Variants in CENPP observed in about 807,000 individuals in gnomAD.
CENPP encodes centromere protein P.
CENPP carries 24 observed loss-of-function variants against 35.6 expected under a neutral mutation model. The observed-to-expected ratio is 0.67, with a 90% CI of 0.49 to 0.95. The LOEUF (loss-of-function observed/expected upper bound fraction) is 0.95. Among genes scored for constraint, CENPP ranks in the 40% least tolerant of loss-of-function variants. The pLI is 0.00. For missense variants in CENPP, 332 were observed against 345.3 expected (o/e 0.96, Z 0.31); for synonymous variants, 120 against 125.5 (o/e 0.96, Z 0.29).
In CENPP at chr9:92,565,293, T is replaced by TAAAAAAAAAAAA. The variant is rs3078380; in HGVS notation, c.565-46002_565-45991dup. Among the ~76,000 whole-genome samples, 5 of 33,160 alleles carry TAAAAAAAAAAAA rather than the reference T, an allele frequency of 1.5e-4. 1 individual carries two copies. The highest frequency in any genetic ancestry group is 2.8e-4 in the African/African-American group (2 of 7,090). The allele number at this position is 33,160 out of a possible 152,430, so 21.8% of individuals were successfully genotyped here. On this transcript the variant is annotated intron_variant, in intron 5 of 7. Transcript: ENST00000375587. Reference sequence around the variant, plus strand: ...ACTAACACTATGATAGCTGATGAGCTAAAAAAAAAAAAAAAAAAAAAAAAA... The same window carrying TAAAAAAAAAAAA: ...ACTAACACTATGATAGCTGATGAGCTAAAAAAAAAAAAAAAAAAAAAAAAAAAAAAAAAAAAA...
chr9:92,359,558 C>G lies in CENPP; in HGVS notation c.467+13771C>G, dbSNP rs113951408. On this transcript the variant is annotated intron_variant, in intron 4 of 7. Coordinates refer to ENST00000375587, the MANE Select transcript of CENPP (RefSeq NM_001012267.3). ...CTTATATGCAGTTATTTGTCAATGT[C>G]CTAGTCTTGATTGTTCGGCTCTTAG... Among the ~76,000 whole-genome samples the G allele has an allele frequency of 3.9e-5, 6 of 152,078 alleles. 1 individual carries two copies. Among genetic ancestry groups the G allele is most frequent in the African/African-American group, 1.4e-4 (6 of 41,476 alleles).
chr9:92,586,107 G>T (rs961678051), intron 5 of CENPP, among the ~76,000 whole-genome samples: 9 of 152,222 alleles, frequency 5.9e-5, no homozygotes, highest in African/African-American at 1.9e-4. Flanking sequence ...GCGCAATGGC[G>T]CAATCTCGGC....
intron 5 of CENPP, among the ~76,000 whole-genome samples, chr9:92,408,396 G>A (rs1294201224): frequency 6.6e-6 from 1 of 152,130 alleles, no homozygotes; most frequent in Non-Finnish European, 1.5e-5. Flanking sequence ...ATGTTAGCCA[G>A]GATGGTCTCG....
intron 5 of CENPP, among the ~76,000 whole-genome samples, chr9:92,552,190 TACACACACACACAC>T (rs59704602): frequency 9.4e-6 from 1 of 106,412 alleles, no homozygotes; most frequent in Non-Finnish European, 1.9e-5. Flanking sequence ...ATCTATCATA[TACACACACACACAC>T]ACACACACAC....
intron 5 of CENPP, among the ~76,000 whole-genome samples, chr9:92,595,871 C>A (rs1850768743): frequency 6.6e-6 from 1 of 152,064 alleles, no homozygotes; most frequent in South Asian, 2.1e-4. Flanking sequence ...CTATTTCCTT[C>A]CATTTTTAAA....
chr9:92,461,472 C>G (rs879616186), intron 5 of CENPP, among the ~76,000 whole-genome samples: 3 of 152,148 alleles, frequency 2.0e-5, no homozygotes, highest in African/African-American at 4.8e-5. Context: ...ATACTCCCTC[C>G]TTTTTTCTCC....
intron 5 of CENPP, among the ~76,000 whole-genome samples, chr9:92,452,443 T>G (rs1216661259): frequency 6.6e-6 from 1 of 152,252 alleles, no homozygotes; most frequent in Non-Finnish European, 1.5e-5. Context: ...ATCCCAGGGA[T>G]GAAGCCCACT....
At chr9:92,582,793 C>T (rs1588295550) in intron 5 of CENPP, among the ~76,000 whole-genome samples, 1 of 152,156 alleles carries the variant, frequency 6.6e-6, no homozygotes, top group East Asian at 1.9e-4. Flanking sequence ...TGGAAGGGCA[C>T]TGAAGAATAT....
intron 5 of CENPP, among the ~76,000 whole-genome samples, chr9:92,580,859 G>T (rs1207542329): frequency 6.7e-6 from 1 of 149,340 alleles, no homozygotes; most frequent in African/African-American, 2.5e-5. Flanking sequence ...GAATGTGTTT[G>T]CTCTTGCTTT....
intron 5 of CENPP, among the ~76,000 whole-genome samples, chr9:92,564,924 C>G (rs1304276163): frequency 6.6e-6 from 1 of 152,064 alleles, no homozygotes; most frequent in Non-Finnish European, 1.5e-5. Flanking sequence ...GGAATCTGCC[C>G]TACGAAAATG....
rs964668563 is a variant in CENPP at position 92,514,781 on chromosome 9, A to T, written c.565-96533A>T. 12 of 1,613,842 alleles carry T rather than the reference A, an allele frequency of 7.4e-6. No homozygotes were observed. Among genetic ancestry groups the T allele is most frequent in the Non-Finnish European group, 8.5e-6 (10 of 1,179,990 alleles). ...GGAGGAGCAGGAAGCGGGGATCGAGAGGGCATTCGGAACATATCTCCTCTT... is the reference window on the plus strand; with the variant it reads ...GGAGGAGCAGGAAGCGGGGATCGAGTGGGCATTCGGAACATATCTCCTCTT... On this transcript the variant is annotated intron_variant, in intron 5 of 7. Coordinates refer to ENST00000375587, the MANE Select transcript of CENPP (RefSeq NM_001012267.3).
intron 5 of CENPP, among the ~76,000 whole-genome samples, chr9:92,485,927 G>A (rs780146069): frequency 1.3e-5 from 2 of 152,178 alleles, no homozygotes; most frequent in Admixed American, 1.3e-4. Context: ...AAAAAAGTAG[G>A]CAGTTTGAAT....
intron 5 of CENPP, among the ~76,000 whole-genome samples, chr9:92,609,487 C>T (rs913724698): frequency 6.6e-6 from 1 of 152,246 alleles, no homozygotes; most frequent in African/African-American, 2.4e-5. Flanking sequence ...AAAACGTCCC[C>T]TCACTATCCT....
chr9:92,390,989 G>T (rs1202650176), intron 5 of CENPP, among the ~76,000 whole-genome samples: 1 of 152,158 alleles, frequency 6.6e-6, no homozygotes, highest in Non-Finnish European at 1.5e-5. Flanking sequence ...ATCAGGCCAG[G>T]TGTGGTGGCT....
intron 5 of CENPP, chr9:92,493,570 A>G (rs1460940889): frequency 6.6e-6 from 1 of 152,248 alleles, no homozygotes; most frequent in African/African-American, 2.4e-5. Flanking sequence ...TGGCTAGACC[A>G]GGACTTCTTT....
intron 5 of CENPP, among the ~76,000 whole-genome samples, chr9:92,560,087 C>T (rs1384360176): frequency 3.3e-5 from 5 of 152,204 alleles, no homozygotes; most frequent in East Asian, 1.9e-4. Flanking sequence ...AAGGCTGCAG[C>T]GAGCTATGAT....
chr9:92,376,825 G>C (rs572800384), intron 4 of CENPP, among the ~76,000 whole-genome samples: 1 of 152,258 alleles, frequency 6.6e-6, no homozygotes, highest in Admixed American at 6.5e-5. Context: ...CAGATCACCT[G>C]AGGTCAGGAG....
At chr9:92,509,810 C>T (rs2131185223) in intron 5 of CENPP, 1 of 1,321,846 alleles carries the variant, frequency 7.6e-7, no homozygotes, top group East Asian at 2.7e-5. Flanking sequence ...ACTATTTATT[C>T]ATTTGGCAAT....
intron 4 of CENPP, among the ~76,000 whole-genome samples, chr9:92,353,351 G>GT (rs1409396028): frequency 1.3e-5 from 2 of 152,072 alleles, no homozygotes; most frequent in Non-Finnish European, 2.9e-5. Flanking sequence ...AGGGGGTCGT[G>GT]TTTTTTTCCT....
Sources: gnomAD v4.1 joint callset for allele counts (sites outside exome capture counted in the v4.1 genomes callset) on GRCh38, gnomAD v4.1.1 for gene constraint, MANE v1.5 for transcripts, NCBI Gene and HGNC (gene_info 2026-07-23, HGNC 2026-07-21) for gene names.